The following PDGFC variants were observed in gnomAD, a reference collection of about 807,000 sequenced individuals.
The protein encoded by PDGFC is platelet-derived growth factor C.
A neutral mutation model predicts 35.5 loss-of-function variants in PDGFC; 12 were observed. The ratio of observed to expected loss-of-function variants is 0.34; its 90% CI spans 0.22 to 0.55. The LOEUF (loss-of-function observed/expected upper bound fraction) is 0.55. Among genes scored for constraint, PDGFC ranks in the 20% least tolerant of loss-of-function variants. The pLI is 0.91. For missense variants in PDGFC, 322 were observed against 412.4 expected (o/e 0.78, Z 1.90); for synonymous variants, 159 against 148.8 (o/e 1.07, Z -0.50).
At chr4:156,828,666 G>T (rs1365890211) in intron 2 of PDGFC, among the ~76,000 whole-genome samples, 1 of 151,946 alleles carries the variant, frequency 6.6e-6, no homozygotes, top group Non-Finnish European at 1.5e-5. Context: ...TTGTATTCTG[G>T]AAATATAATT....
At chr4:156,914,913 CT>C (rs1731123012) in intron 1 of PDGFC, among the ~76,000 whole-genome samples, 1 of 152,096 alleles carries the variant, frequency 6.6e-6, no homozygotes, top group Admixed American at 6.5e-5. Flanking sequence ...ATAAAATTGA[CT>C]AACAAACTTC....
intron 5 of PDGFC, among the ~76,000 whole-genome samples, chr4:156,766,557 A>G (rs190571860): frequency 9.2e-5 from 14 of 152,272 alleles, no homozygotes; most frequent in Admixed American, 9.2e-4. Context: ...AAAACCTTTA[A>G]ATTACACCAA....
intron 2 of PDGFC, among the ~76,000 whole-genome samples, chr4:156,822,825 G>A (rs910340820): frequency 4.6e-5 from 7 of 151,814 alleles, no homozygotes; most frequent in East Asian, 1.9e-4. Context: ...GCCATGGTGC[G>A]ATCTCGGCTC....
At chr4:156,834,889 A>G (rs1200809551) in intron 2 of PDGFC, among the ~76,000 whole-genome samples, 2 of 151,986 alleles carry the variant, frequency 1.3e-5, no homozygotes, top group African/African-American at 4.8e-5. Flanking sequence ...GCAATTTTTC[A>G]TGGTCTTGAG....
chr4:156,860,800 C>A (rs1445612257), intron 1 of PDGFC, among the ~76,000 whole-genome samples: 1 of 152,000 alleles, frequency 6.6e-6, no homozygotes, highest in Non-Finnish European at 1.5e-5. Context: ...ACCCTCAAAG[C>A]ATTTTTTATA....
rs571220279 is a variant in PDGFC, at chr4:156,819,369, G to T, written c.315-8352C>A. Among the ~76,000 whole-genome samples the T allele has an allele frequency of 2.6e-5, 4 of 152,248 alleles. No individual in the cohort carries two copies. The East Asian group carries it at 7.8e-4, about 30-fold the overall frequency. ...CTGGCTTCAAAGTTTCAAAGGACAG[G>T]CTGACTCCCTTGTTAGGGGCTAATG... On this transcript the variant is annotated intron_variant, in intron 2 of 5. Coordinates refer to ENST00000502773, the MANE Select transcript of PDGFC (RefSeq NM_016205.3).
chr4:156,956,629 AC>A (rs1159460612), intron 1 of PDGFC, among the ~76,000 whole-genome samples: 12 of 152,002 alleles, frequency 7.9e-5, no homozygotes, highest in Non-Finnish European at 1.2e-4. Context: ...GGTAACCAGC[AC>A]CTGGTTTGGG....
chr4:156,832,393 A>G (rs1255037411), intron 2 of PDGFC, among the ~76,000 whole-genome samples: 2 of 151,112 alleles, frequency 1.3e-5, no homozygotes. Context: ...AGTAGCTGGG[A>G]TTACAGGCAC....
intron 3 of PDGFC, among the ~76,000 whole-genome samples, chr4:156,793,691 A>G (rs1156950579): frequency 6.6e-6 from 1 of 151,800 alleles, no homozygotes; most frequent in Non-Finnish European, 1.5e-5. Flanking sequence ...GAATCAGAAC[A>G]TGTCAATAAA....
chr4:156,948,894 CCT>C (rs1732011964), intron 1 of PDGFC, among the ~76,000 whole-genome samples: 1 of 151,838 alleles, frequency 6.6e-6, no homozygotes, highest in African/African-American at 2.4e-5. Flanking sequence ...CCCCGTATCC[CCT>C]GAGTAATGAC....
intron 1 of PDGFC, among the ~76,000 whole-genome samples, chr4:156,875,194 C>G (rs769520817): frequency 6.6e-6 from 1 of 152,098 alleles, no homozygotes; most frequent in South Asian, 2.1e-4. Flanking sequence ...GAGGTACACC[C>G]GCAAGTTAAC....
At chr4:156,824,578 T>C (rs541709258) in intron 2 of PDGFC, among the ~76,000 whole-genome samples, 1 of 152,210 alleles carries the variant, frequency 6.6e-6, no homozygotes. Context: ...GCTCACCTAC[T>C]TGGCTCAGCA....
intron 2 of PDGFC, among the ~76,000 whole-genome samples, chr4:156,820,022 A>G (rs1396661944): frequency 6.6e-6 from 1 of 152,224 alleles, no homozygotes; most frequent in African/African-American, 2.4e-5. Flanking sequence ...ATAGCAAGAG[A>G]ACTAGAATTG....
Position 156,770,316 on chromosome 4 carries a change from G to A in PDGFC, c.704-2326C>T, listed in dbSNP as rs957113436. 3.3e-5 allele frequency: 5 copies of A among 152,054 alleles called. No homozygotes were observed. The East Asian group carries it at 9.7e-4, about 29-fold the overall frequency. The allele number at this position is 152,054 out of a possible 1,614,324, so 9.4% of individuals were successfully genotyped here. A position where few individuals can be genotyped will look rare whatever the true frequency, so the allele number is the denominator to read the frequency against. ...AGAAAGTGAAAGAAAAAAAAGTAAA[G>A]CATTTATGCAGTCCACAGTTTTCTA... On this transcript the variant is annotated intron_variant, in intron 4 of 5. Coordinates refer to ENST00000502773, the MANE Select transcript of PDGFC (RefSeq NM_016205.3).
At chr4:156,907,836 T>C (rs1730952184) in intron 1 of PDGFC, among the ~76,000 whole-genome samples, 1 of 152,254 alleles carries the variant, frequency 6.6e-6, no homozygotes, top group East Asian at 1.9e-4. Flanking sequence ...TCACCAAACA[T>C]GTCCAGTCCT....
chr4:156,776,162 TTCTC>T (rs992755117), intron 3 of PDGFC, among the ~76,000 whole-genome samples: 7 of 152,226 alleles, frequency 4.6e-5, no homozygotes, highest in African/African-American at 1.7e-4. Flanking sequence ...AGTTTTACTT[TTCTC>T]TCTAACAAAG....
At chr4:156,835,701 G>T (rs1426649970) in intron 2 of PDGFC, among the ~76,000 whole-genome samples, 1 of 151,930 alleles carries the variant, frequency 6.6e-6, no homozygotes, top group Non-Finnish European at 1.5e-5. Flanking sequence ...ATTTAACCAG[G>T]GCCATATTCC....
At chr4:156,899,090 A>G (rs776429951) in intron 1 of PDGFC, among the ~76,000 whole-genome samples, 2 of 152,274 alleles carry the variant, frequency 1.3e-5, no homozygotes, top group Non-Finnish European at 2.9e-5. Flanking sequence ...AGTAAAATAT[A>G]GTATAATTGG....
intron 1 of PDGFC, among the ~76,000 whole-genome samples, chr4:156,951,758 C>T (rs1023638787): frequency 1.3e-5 from 2 of 151,004 alleles, no homozygotes; most frequent in African/African-American, 2.4e-5. Flanking sequence ...AAAAAACCCT[C>T]GTTTTCTTTG....
Sources: gnomAD v4.1 joint callset for allele counts (sites outside exome capture counted in the v4.1 genomes callset) on GRCh38, gnomAD v4.1.1 for gene constraint, MANE v1.5 for transcripts, NCBI Gene and HGNC (gene_info 2026-07-23, HGNC 2026-07-21) for gene names.